Variants in CCSER1 observed in about 807,000 individuals in gnomAD.
CCSER1 encodes serine-rich coiled-coil domain-containing protein 1.
A neutral mutation model predicts 82.0 loss-of-function variants in CCSER1; 41 were observed. The observed-to-expected ratio is 0.50, with a 90% CI of 0.39 to 0.65. CCSER1 has a LOEUF of 0.65. Ranked by LOEUF, CCSER1 falls within the 30% of genes least tolerant of loss-of-function variation. The pLI, the probability that CCSER1 is intolerant of heterozygous loss-of-function variation, is 0.00. For missense variants in CCSER1, 1,119 were observed against 1,064.2 expected (o/e 1.05, Z -0.72); for synonymous variants, 414 against 383.9 (o/e 1.08, Z -0.92).
Position 90,309,525 on chromosome 4 carries a change from C to T in CCSER1, c.1241C>T (p.Ser414Leu). The T allele has an allele frequency of 6.2e-7, 1 of 1,613,110 alleles. No individual in the cohort carries two copies. Among genetic ancestry groups the T allele is most frequent in the Non-Finnish European group, 8.5e-7 (1 of 1,179,526 alleles). ...CATGTAAAAGGGATCCATCCTATTT[C>T]AGATTCAAAGATAATACCTACTTCT... ...AEHVKGIHPI[S>L]DSKIIPTSGD... The change falls in exon 2 of 11, where the codon TCA (serine) becomes TTA (leucine). Residue 414 changes from serine (S) to leucine (L), a missense_variant. Transcript: ENST00000509176.
At chr4:90,869,682 T>A (rs909835051) in intron 8 of CCSER1, among the ~76,000 whole-genome samples, 1 of 151,328 alleles carries the variant, frequency 6.6e-6, no homozygotes, top group African/African-American at 2.4e-5. Context: ...GCTTTGGCTA[T>A]TCTGGGTCTT....
chr4:90,906,161 A>T (rs1725439867), intron 8 of CCSER1, among the ~76,000 whole-genome samples: 1 of 152,110 alleles, frequency 6.6e-6, no homozygotes. Context: ...TAATCTCTTT[A>T]GGTTTTCTGT....
chr4:90,726,396 T>G (rs1355036454), intron 7 of CCSER1, among the ~76,000 whole-genome samples: 1 of 151,986 alleles, frequency 6.6e-6, no homozygotes, highest in East Asian at 1.9e-4. Flanking sequence ...GATAAGAAAT[T>G]GGCTATTGTT....
intron 10 of CCSER1, among the ~76,000 whole-genome samples, chr4:91,402,325 T>G (rs528490800): frequency 2.0e-5 from 3 of 152,306 alleles, no homozygotes; most frequent in African/African-American, 4.8e-5. Flanking sequence ...TTGTAAAAAT[T>G]TTCTCCCATT....
chr4:91,330,558 C>T (rs1213730516), intron 10 of CCSER1, among the ~76,000 whole-genome samples: 1 of 152,162 alleles, frequency 6.6e-6, no homozygotes, highest in Non-Finnish European at 1.5e-5. Context: ...TTGTCTTCCC[C>T]TTGCGGAAGC....
intron 1 of CCSER1, among the ~76,000 whole-genome samples, chr4:90,199,046 T>G (rs1048095604): frequency 1.3e-5 from 2 of 152,158 alleles, no homozygotes; most frequent in Non-Finnish European, 2.9e-5. Context: ...TTCAAGCGTC[T>G]GATACACAGA....
chr4:90,236,838 A>G (rs1054894167), intron 1 of CCSER1, among the ~76,000 whole-genome samples: 1 of 152,060 alleles, frequency 6.6e-6, no homozygotes, highest in African/African-American at 2.4e-5. Flanking sequence ...AGATGTTGTC[A>G]TACTGTGTGT....
intron 10 of CCSER1, among the ~76,000 whole-genome samples, chr4:91,529,391 C>T (rs1356397865): frequency 6.6e-6 from 1 of 152,010 alleles, no homozygotes; most frequent in East Asian, 1.9e-4. Flanking sequence ...AATGTTAATT[C>T]TAAGTTATCA....
At chr4:91,062,675 A>G (rs565694431) in intron 9 of CCSER1, among the ~76,000 whole-genome samples, 3 of 152,278 alleles carry the variant, frequency 2.0e-5, no homozygotes, top group East Asian at 1.9e-4. Context: ...CAAATAATTT[A>G]TGTAAAGCTC....
At chr4:91,394,125 C>A (rs1337129068) in intron 10 of CCSER1, among the ~76,000 whole-genome samples, 1 of 152,012 alleles carries the variant, frequency 6.6e-6, no homozygotes, top group Non-Finnish European at 1.5e-5. Flanking sequence ...AGATGGCCTG[C>A]TTGTTGCCAG....
At chr4:90,283,336 T>C (rs1325185434) in intron 1 of CCSER1, among the ~76,000 whole-genome samples, 1 of 151,956 alleles carries the variant, frequency 6.6e-6, no homozygotes, top group African/African-American at 2.4e-5. Context: ...TTTATTTGTA[T>C]TTTTATTATA....
At chr4:91,021,657 A>G (rs1739978689) in intron 9 of CCSER1, among the ~76,000 whole-genome samples, 1 of 152,150 alleles carries the variant, frequency 6.6e-6, no homozygotes, top group African/African-American at 2.4e-5. Context: ...CTCAACACTT[A>G]TGTATTGACC....
chr4:90,249,291 G>A (rs1560876108), intron 1 of CCSER1, among the ~76,000 whole-genome samples: 1 of 152,126 alleles, frequency 6.6e-6, no homozygotes, highest in Non-Finnish European at 1.5e-5. Flanking sequence ...TGCAAAGCTT[G>A]CTAGGATAAC....
chr4:91,334,621 T>C (rs1223141753), intron 10 of CCSER1, among the ~76,000 whole-genome samples: 1 of 152,014 alleles, frequency 6.6e-6, no homozygotes, highest in Non-Finnish European at 1.5e-5. Flanking sequence ...AGAACACTTT[T>C]TCCTGATCAG....
At chr4:91,148,327 A>G (rs1006541204) in intron 10 of CCSER1, among the ~76,000 whole-genome samples, 95 of 152,148 alleles carry the variant, frequency 6.2e-4, no homozygotes, top group Non-Finnish European at 1.6e-4. Flanking sequence ...CTCTTAAGAT[A>G]TACCACGCAG....
At position 90,476,127 on chromosome 4, in the gene CCSER1, T is replaced by A. The variant is rs141293243; in HGVS notation, c.1724+7773T>A. ...AACTTCAGGGCTCACATAACCTGGA[T>A]TTATCCCTTTGTACCATCGCCTTTA... On this transcript the variant is annotated intron_variant, in intron 5 of 10. Transcript: ENST00000509176. Among the ~76,000 whole-genome samples, 493 of 152,216 alleles carry A rather than the reference T, an allele frequency of 3.2e-3. 4 individuals are homozygous for A. Among genetic ancestry groups the A allele is most frequent in the Non-Finnish European group, 5.4e-3 (370 of 68,020 alleles).
chr4:91,245,053 G>A (rs532797426), intron 10 of CCSER1, among the ~76,000 whole-genome samples: 23 of 151,972 alleles, frequency 1.5e-4, no homozygotes, highest in African/African-American at 5.1e-4. Context: ...GAAAGAATTC[G>A]TGAGCTTTGA....
At chr4:90,481,471 A>G (rs535389087) in intron 5 of CCSER1, among the ~76,000 whole-genome samples, 1 of 152,178 alleles carries the variant, frequency 6.6e-6, no homozygotes, top group Non-Finnish European at 1.5e-5. Flanking sequence ...GAATGCTTCC[A>G]GTTTTTGTCC....
At chr4:90,848,629 A>G (rs771438607) in intron 8 of CCSER1, among the ~76,000 whole-genome samples, 5 of 152,202 alleles carry the variant, frequency 3.3e-5, no homozygotes, top group Admixed American at 6.5e-5. Context: ...AGACCTAATA[A>G]CAATCAGTTT....
Sources: gnomAD v4.1 joint callset for allele counts (sites outside exome capture counted in the v4.1 genomes callset) on GRCh38, gnomAD v4.1.1 for gene constraint, MANE v1.5 for transcripts, NCBI Gene and HGNC (gene_info 2026-07-23, HGNC 2026-07-21) for gene names.